Variants in MICA observed in about 807,000 individuals in gnomAD.
MICA encodes the protein MHC class I polypeptide-related sequence A, also known as HLA class I antigen.
In MICA, 18 loss-of-function variants were observed where a neutral mutation model predicts 34.3. The observed-to-expected ratio is 0.52, with a 90% confidence interval of 0.36 to 0.78. The LOEUF (loss-of-function observed/expected upper bound fraction) is 0.78. Ranked by LOEUF, MICA falls within the 30% of genes least tolerant of loss-of-function variation. MICA has a pLI of 0.00. For synonymous variants in MICA, 135 were observed against 156.9 expected (o/e 0.86, Z 1.04); for missense variants, 333 against 409.4 (o/e 0.81, Z 1.61).
At chr6:31,405,138 C>T (rs1215571445) in intron 1 of MICA, among the ~76,000 whole-genome samples, 1 of 145,912 alleles carries the variant, frequency 6.9e-6, no homozygotes, top group Non-Finnish European at 1.5e-5. Context: ...CCCTCCAGTT[C>T]TTGCTCTGCC....
chr6:31,402,893 C>T (rs1370560655), upstream of MICA, among the ~76,000 whole-genome samples: 1 of 151,626 alleles, frequency 6.6e-6, no homozygotes, highest in African/African-American at 2.4e-5. Flanking sequence ...CTCCTTGGCC[C>T]TGTGATCACC....
In MICA at chr6:31,408,930, G is replaced by A. The variant is rs189390297; in HGVS notation, c.71-1613G>A. 1.4e-3 allele frequency among the ~76,000 whole-genome samples: 212 copies of A among 151,590 alleles called. 6 individuals carry two copies. Among genetic ancestry groups the A allele is most frequent in the African/African-American group, 4.9e-3 (201 of 41,202 alleles). ...TGAGGCAGGAGAATCGCTTGAATCC[G>A]GGAAGTGGAGGTTGCAGTGAGCTGA... On this transcript the variant is annotated intron_variant, in intron 1 of 5. Transcript: ENST00000449934.
Position 31,411,039 on chromosome 6 carries a change from G to A in MICA, c.326-33G>A, listed in dbSNP as rs749763554. On this transcript the variant is annotated intron_variant, in intron 2 of 5. Coordinates refer to ENST00000449934, the MANE Select transcript of MICA (RefSeq NM_001177519.3). The surrounding 1 kb of genome is among the most constrained non-coding windows in gnomAD (Gnocchi z 4.3). ...ACTTGGGTGGAAAGGTGATGGGTTCGGGAATGGAGAAGTCACTGCTGGGTG... is the reference window on the plus strand; with the variant it reads ...ACTTGGGTGGAAAGGTGATGGGTTCAGGAATGGAGAAGTCACTGCTGGGTG... 20 of 1,542,760 alleles carry A rather than the reference G, an allele frequency of 1.3e-5. No individual in the cohort carries two copies. The highest frequency in any genetic ancestry group is 5.5e-5 in the African/African-American group (4 of 72,734).
At chr6:31,404,060 C>T (rs1185856526) in intron 1 of MICA, among the ~76,000 whole-genome samples, 3 of 151,836 alleles carry the variant, frequency 2.0e-5, no homozygotes, top group Non-Finnish European at 4.4e-5. Flanking sequence ...CCTTCCAGCG[C>T]GGCCACTGAA....
At chr6:31,410,040 T>C (rs2848714) in intron 1 of MICA, among the ~76,000 whole-genome samples, 39,109 of 147,782 alleles carry the variant, frequency 0.26, 4,950 homozygotes, top group East Asian at 0.39. Context: ...CTTCCTACCC[T>C]TTGTGCCTCA....
chr6:31,413,241 TG>T (rs1243906280), intron 5 of MICA, among the ~76,000 whole-genome samples: 1 of 151,570 alleles, frequency 6.6e-6, no homozygotes, highest in Non-Finnish European at 1.5e-5. Flanking sequence ...ATTTGAGGAG[TG>T]GGGCCCAGCC....
rs867744202 is a variant in MICA, at chr6:31,403,758, G to C, written c.70+56G>C. On this transcript the variant is annotated intron_variant, in intron 1 of 5. Transcript: ENST00000449934. The surrounding 1 kb of genome is among the most constrained non-coding windows in gnomAD (Gnocchi z 4.7). ...AGCGGGAGCAGTGGGACGTTTCCGG[G>C]GGTCGGGTGGGTAGCGGCGAGCGCT... 507 of 1,483,630 alleles carry C rather than the reference G, an allele frequency of 3.4e-4. 4 individuals carry two copies. In the Middle Eastern group the frequency reaches 6.2e-3, roughly 18 times the overall value. The allele number at this position is 1,483,630 out of a possible 1,614,324, so 91.9% of individuals were successfully genotyped here.
At position 31,409,735 on chromosome 6, in the gene MICA, G is replaced by T. The variant is rs374082780; in HGVS notation, c.71-808G>T. Among the ~76,000 whole-genome samples, 36 of 151,896 alleles carry T rather than the reference G, an allele frequency of 2.4e-4. 1 individual carries two copies. The highest frequency in any genetic ancestry group is 1.2e-3 in the East Asian group (6 of 5,172). ...AATGTTTGCTTCTAAGAAATTTTTA[G>T]GTTTTAGTTCTTGAGTGTAGAGTTT... On this transcript the variant is annotated intron_variant, in intron 1 of 5. Coordinates refer to ENST00000449934, the MANE Select transcript of MICA (RefSeq NM_001177519.3).
In MICA at chr6:31,411,232, C is replaced by T. The variant is rs1449453781; in HGVS notation, c.486C>T (p.Ala162=). The part of the protein sequence containing the change: ...VPQSSRAQTL[A]MNVRNFLKED... ...AGTCCTCCAGAGCTCAGACCTTGGC[C>T]ATGAACGTCAGGAATTTCTTGAAGG... The change falls in exon 3 of 6, where the codon GCC becomes GCT. Residue 162 remains alanine (A), a synonymous_variant. Coordinates refer to ENST00000449934, the MANE Select transcript of MICA (RefSeq NM_001177519.3). The surrounding 1 kb of genome is among the most constrained non-coding windows in gnomAD (Gnocchi z 4.3). The T allele has an allele frequency of 6.2e-7, 1 of 1,613,262 alleles. No individual in the cohort carries two copies.
At chr6:31,402,986 G>A (rs576234591), upstream of MICA, among the ~76,000 whole-genome samples, 6 of 151,862 alleles carry the variant, frequency 4.0e-5, no homozygotes, top group African/African-American at 1.5e-4. Context: ...CTGGCTTTGA[G>A]TCAAAGGGAG....
chr6:31,408,203 C>G (rs1770849468), intron 1 of MICA, among the ~76,000 whole-genome samples: 1 of 151,900 alleles, frequency 6.6e-6, no homozygotes, highest in Non-Finnish European at 1.5e-5. Context: ...TCCACTTGCT[C>G]ATAAAGAATG....
chr6:31,411,028 G>T lies in MICA; in HGVS notation c.326-44G>T, dbSNP rs1368317862. The T allele has an allele frequency of 6.6e-7, 1 of 1,522,120 alleles. No homozygotes were observed. Among genetic ancestry groups the T allele is most frequent in the Non-Finnish European group, 8.8e-7 (1 of 1,133,520 alleles). The allele number at this position is 1,522,120 out of a possible 1,614,324, so 94.3% of individuals were successfully genotyped here. ...CTGAGTTCCTCACTTGGGTGGAAAGGTGATGGGTTCGGGAATGGAGAAGTC... is the reference window on the plus strand; with the variant it reads ...CTGAGTTCCTCACTTGGGTGGAAAGTTGATGGGTTCGGGAATGGAGAAGTC... On this transcript the variant is annotated intron_variant, in intron 2 of 5. Coordinates refer to ENST00000449934, the MANE Select transcript of MICA (RefSeq NM_001177519.3). This position sits in a 1 kb window ranked among gnomAD's most constrained non-coding sequence, Gnocchi z 4.3.
chr6:31,406,308 T>C (rs1770745879), intron 1 of MICA, among the ~76,000 whole-genome samples: 1 of 151,816 alleles, frequency 6.6e-6, no homozygotes. Flanking sequence ...TGTTGACGAA[T>C]GATGTTGAGC....
At chr6:31,404,433 G>T (rs1770635303) in intron 1 of MICA, among the ~76,000 whole-genome samples, 2 of 151,604 alleles carry the variant, frequency 1.3e-5, no homozygotes, top group Admixed American at 1.3e-4. Context: ...GCCCATCTCA[G>T]GGCCCGCTGA....
At chr6:31,410,945 C>G in intron 2 of MICA, 127 bp from the exon 3 acceptor site, 1 of 1,466,348 alleles carries the variant, frequency 6.8e-7, no homozygotes, top group Non-Finnish European at 9.1e-7. Flanking sequence ...GGAGGTGAGC[C>G]GGCACTCAGC....
chr6:31,401,057 C>A (rs1384000946), upstream of MICA, among the ~76,000 whole-genome samples: 2 of 151,680 alleles, frequency 1.3e-5, no homozygotes, highest in Non-Finnish European at 2.9e-5. Flanking sequence ...TATTAAAAGT[C>A]TTTTTTGGGG....
At chr6:31,412,752 A>G (rs2256183) in intron 5 of MICA, among the ~76,000 whole-genome samples, 97,150 of 151,532 alleles carry the variant, frequency 0.64, 32,178 homozygotes, top group South Asian at 0.8. Flanking sequence ...GTGTCTCTTG[A>G]ACTCACTAGG....
At chr6:31,412,999 G>A (rs970421406) in intron 5 of MICA, among the ~76,000 whole-genome samples, 24 of 150,526 alleles carry the variant, frequency 1.6e-4, no homozygotes, top group African/African-American at 5.9e-4. Context: ...CAGCCTGGGG[G>A]CCCTGCCTGT....
chr6:31,406,683 T>C (rs1770766540), intron 1 of MICA, among the ~76,000 whole-genome samples: 1 of 151,946 alleles, frequency 6.6e-6, no homozygotes, highest in Non-Finnish European at 1.5e-5. Flanking sequence ...GTTTCATAGT[T>C]TGAGGTCATA....
Sources: allele counts gnomAD v4.1 joint callset (sites outside exome capture counted in the v4.1 genomes callset), GRCh38; gene constraint gnomAD v4.1.1; non-coding constraint Gnocchi (gnomAD v3.1); transcripts MANE v1.5; gene names NCBI Gene and HGNC (gene_info 2026-07-23, HGNC 2026-07-21).